EYS: variants seen among roughly 807,000 people sequenced by gnomAD.
The protein encoded by EYS is EGF-like photoreceptor maintenance factor, also known as protein eyes shut homolog.
In EYS, 250 loss-of-function variants were observed where a neutral mutation model predicts 282.1. That is an observed-to-expected ratio of 0.89 (90% CI 0.80 to 0.98). The LOEUF (loss-of-function observed/expected upper bound fraction) is 0.98, where lower values mean the gene tolerates loss of function less well. EYS is among the 50% of genes least tolerant of loss of function. The pLI, the probability that EYS is intolerant of heterozygous loss-of-function variation, is 0.00. For synonymous variants in EYS, 1,355 were observed against 1,282.9 expected (o/e 1.06, Z -1.20); for missense variants, 4,016 against 3,709.0 (o/e 1.08, Z -2.15).
chr6:64,174,439 A>C (rs73762738), intron 31 of EYS, among the ~76,000 whole-genome samples: 6,655 of 152,048 alleles, frequency 0.044, 349 homozygotes, highest in African/African-American at 0.12. Context: ...TTAAATTGCA[A>C]GATGTAATGT....
In EYS at chr6:64,267,331, G is replaced by A. The variant is rs1037607551; in HGVS notation, c.6192-36507C>T. Among the ~76,000 whole-genome samples the A allele has an allele frequency of 6.6e-5, 10 of 151,910 alleles. No homozygotes were observed. The South Asian group carries it at 1.9e-3, about 28-fold the overall frequency. On this transcript the variant is annotated intron_variant, in intron 30 of 42. Coordinates refer to ENST00000503581, the MANE Select transcript of EYS (RefSeq NM_001142800.2). The stretch of plus-strand genomic sequence containing the variant: ...TCCTCAAACACCAAGTCCTGACATG[G>A]GCTCTGTGCCTCTTCTATTTGCTCT...
chr6:65,264,015 A>G (rs1010918605), intron 12 of EYS, among the ~76,000 whole-genome samples: 10 of 152,208 alleles, frequency 6.6e-5, no homozygotes, highest in Admixed American at 2.6e-4. Context: ...AGTACTGAGA[A>G]AAAAGTAGAG....
At chr6:65,620,377 A>T (rs1156852006) in intron 2 of EYS, among the ~76,000 whole-genome samples, 1 of 152,192 alleles carries the variant, frequency 6.6e-6, no homozygotes, top group Admixed American at 6.5e-5. Context: ...GGTAGTTTGT[A>T]TTTGTGTGGG....
At chr6:63,994,469 CTGAAAGGCCT>C (rs950619193) in intron 34 of EYS, among the ~76,000 whole-genome samples, 3 of 151,874 alleles carry the variant, frequency 2.0e-5, no homozygotes, top group African/African-American at 7.2e-5. Flanking sequence ...ACGAGAGACC[CTGAAAGGCCT>C]TGAATTCCTT....
At chr6:65,406,607 C>T (rs1012625208) in intron 5 of EYS, among the ~76,000 whole-genome samples, 4 of 151,960 alleles carry the variant, frequency 2.6e-5, no homozygotes, top group Admixed American at 6.6e-5. Context: ...TGTGGGATAA[C>T]GACTTAGCTT....
chr6:64,253,381 G>C (rs930086576), intron 30 of EYS, among the ~76,000 whole-genome samples: 1 of 152,088 alleles, frequency 6.6e-6, no homozygotes, highest in African/African-American at 2.4e-5. Context: ...AGATTTAAAT[G>C]TAAGTGTTTG....
intron 29 of EYS, among the ~76,000 whole-genome samples, chr6:64,376,698 C>A (rs1403586521): frequency 2.3e-4 from 35 of 152,138 alleles, no homozygotes; most frequent in Admixed American, 2.3e-3. Flanking sequence ...AAATCTCAAC[C>A]TGATTTTCCC....
intron 29 of EYS, among the ~76,000 whole-genome samples, chr6:64,345,921 C>A (rs1044468380): frequency 6.6e-6 from 1 of 152,122 alleles, no homozygotes; most frequent in Non-Finnish European, 1.5e-5. Flanking sequence ...CAAAAGAAGA[C>A]ATTTATGCAG....
chr6:65,608,420 T>C (rs1765877824), intron 2 of EYS, among the ~76,000 whole-genome samples: 1 of 152,058 alleles, frequency 6.6e-6, no homozygotes, highest in Admixed American at 6.6e-5. Flanking sequence ...GAGTGAGTGC[T>C]GAGTGAATGT....
chr6:64,031,143 C>T (rs565911478), intron 33 of EYS, among the ~76,000 whole-genome samples: 22 of 152,266 alleles, frequency 1.4e-4, no homozygotes, highest in Admixed American at 5.9e-4. Flanking sequence ...CCTCAGCTTG[C>T]GGGGAGGTGT....
chr6:65,420,982 G>A (rs1383479508), intron 5 of EYS, among the ~76,000 whole-genome samples: 2 of 151,774 alleles, frequency 1.3e-5, no homozygotes, highest in Non-Finnish European at 2.9e-5. Context: ...CATTTCTAGA[G>A]GGCAGGCAGA....
intron 35 of EYS, among the ~76,000 whole-genome samples, chr6:63,982,144 C>T (rs1767129081): frequency 6.6e-6 from 1 of 151,768 alleles, no homozygotes; most frequent in Admixed American, 6.6e-5. Flanking sequence ...TAAAATAAAC[C>T]TTATCCTTAC....
chr6:64,109,206 C>A (rs573013689), intron 31 of EYS, among the ~76,000 whole-genome samples: 1 of 152,174 alleles, frequency 6.6e-6, no homozygotes, highest in South Asian at 2.1e-4. Context: ...AATTATTACT[C>A]TATCATTATT....
At chr6:64,288,464 G>A (rs12201169) in intron 30 of EYS, among the ~76,000 whole-genome samples, 22 of 151,956 alleles carry the variant, frequency 1.4e-4, no homozygotes, top group Non-Finnish European at 2.9e-4. Context: ...TCCAGTCTTC[G>A]CTGCTGCTGA....
chr6:65,333,063 T>C (rs1423261211), intron 11 of EYS, among the ~76,000 whole-genome samples: 1 of 151,452 alleles, frequency 6.6e-6, no homozygotes, highest in Non-Finnish European at 1.5e-5. Flanking sequence ...ATCTATATTT[T>C]ATTTTATTAA....
intron 12 of EYS, among the ~76,000 whole-genome samples, chr6:65,072,253 C>T (rs1022991429): frequency 6.6e-6 from 1 of 151,488 alleles, no homozygotes; most frequent in African/African-American, 2.4e-5. Flanking sequence ...TTGAGTAGGA[C>T]AGGGAAAATA....
intron 31 of EYS, among the ~76,000 whole-genome samples, chr6:64,134,417 G>C (rs1212800946): frequency 2.0e-5 from 3 of 151,970 alleles, no homozygotes; most frequent in Non-Finnish European, 4.4e-5. Context: ...TACTAAAAAG[G>C]TTATGAAGCA....
At chr6:64,390,938 T>A (rs999962901) in intron 28 of EYS, among the ~76,000 whole-genome samples, 10 of 150,236 alleles carry the variant, frequency 6.7e-5, no homozygotes, top group African/African-American at 2.2e-4. Flanking sequence ...AAGGAGCTGA[T>A]GGAGCTGAAA....
chr6:64,568,221 C>G (rs750802906), intron 26 of EYS, among the ~76,000 whole-genome samples: 1 of 151,982 alleles, frequency 6.6e-6, no homozygotes, highest in Non-Finnish European at 1.5e-5. Context: ...ACAGACCCAA[C>G]AGAAAACTGA....
Sources: allele counts gnomAD v4.1 joint callset (sites outside exome capture counted in the v4.1 genomes callset), GRCh38; gene constraint gnomAD v4.1.1; transcripts MANE v1.5; gene names NCBI Gene and HGNC (gene_info 2026-07-23, HGNC 2026-07-21).